FBXW7: variants seen among roughly 807,000 people sequenced by gnomAD.
FBXW7 encodes the protein F-box and WD repeat domain containing 7, also known as F-box/WD repeat-containing protein 7.
Under a neutral mutation model 86.3 loss-of-function variants are expected in FBXW7, and 11 were observed. The observed-to-expected ratio is 0.13, with a 90% confidence interval of 0.08 to 0.21. The LOEUF is 0.21. FBXW7 is among the 10% of genes least tolerant of loss of function. The pLI is 1.00. For missense variants in FBXW7, 488 were observed against 847.4 expected, an observed-to-expected ratio of 0.58 and a Z score of 5.27; for synonymous variants, 313 against 297.9, an observed-to-expected ratio of 1.05 and a Z score of -0.52.
chr4:152,417,370 C>T (rs1001016756), intron 2 of FBXW7, among the ~76,000 whole-genome samples: 1 of 152,150 alleles, frequency 6.6e-6, no homozygotes, highest in South Asian at 2.1e-4. Flanking sequence ...ACCCAGATGG[C>T]TCTTCTTCCT....
In FBXW7 at chr4:152,374,917, G is replaced by A. The variant is rs1405864293; in HGVS notation, c.502-24793C>T. On this transcript the variant is annotated intron_variant, in intron 4 of 13. Transcript: ENST00000281708. ...GGGGGATGATGCTGGCTTTTAAAACGTTTTATATTTCCGTATGTTAAGGAG... is the reference window on the plus strand; with the variant it reads ...GGGGGATGATGCTGGCTTTTAAAACATTTTATATTTCCGTATGTTAAGGAG... 2.0e-5 allele frequency among the ~76,000 whole-genome samples: 3 copies of A among 151,980 alleles called. No individual in the cohort carries two copies. In the South Asian group the frequency reaches 6.2e-4, roughly 32 times the overall value.
rs2126881163 is a variant in FBXW7 at position 152,411,656 on chromosome 4, C to G, written c.148G>C (p.Glu50Gln). 5 of 1,614,012 alleles carry G rather than the reference C, an allele frequency of 3.1e-6. No individual in the cohort carries two copies. Among genetic ancestry groups the G allele is most frequent in the Non-Finnish European group, 4.2e-6 (5 of 1,179,924 alleles). The change falls in exon 4 of 14, where the codon GAG becomes CAG. Residue 50 changes from glutamate (E) to glutamine (Q), a missense_variant. By Grantham distance (29) the Glu-to-Gln change is conservative. This residue lies in a region of FBXW7 where 230 missense variants were observed against 240.0 expected (regional missense o/e 0.96). Transcript: ENST00000281708. ...EQQQQLRQQEEEHTARNGEVV... is the reference protein window; with the variant it reads ...EQQQQLRQQEQEHTARNGEVV... The stretch of plus-strand genomic sequence containing the variant: ...TCACCATTCCTTGCAGTGTGCTCCT[C>G]CTCTTGTTGTCTGAGTTGCTGTTGC...
intron 4 of FBXW7, among the ~76,000 whole-genome samples, chr4:152,384,619 T>C (rs1410799786): frequency 4.6e-5 from 7 of 151,994 alleles, no homozygotes; most frequent in Non-Finnish European, 8.8e-5. Flanking sequence ...TGTATAACAA[T>C]GTAAATATAT....
chr4:152,379,766 T>C (rs1003958521), intron 4 of FBXW7, among the ~76,000 whole-genome samples: 2 of 152,202 alleles, frequency 1.3e-5, no homozygotes, highest in African/African-American at 2.4e-5. Context: ...CCAATGCTTA[T>C]AAATTATCTC....
intron 2 of FBXW7, among the ~76,000 whole-genome samples, chr4:152,425,148 A>T (rs1281001175): frequency 6.6e-6 from 1 of 152,222 alleles, no homozygotes; most frequent in East Asian, 1.9e-4. Flanking sequence ...CCTAAGGCAT[A>T]GATATGACAG....
At chr4:152,477,542 A>G (rs915483871) in intron 2 of FBXW7, among the ~76,000 whole-genome samples, 1 of 152,216 alleles carries the variant, frequency 6.6e-6, no homozygotes, top group Non-Finnish European at 1.5e-5. Flanking sequence ...GGGAAAAAAT[A>G]GTAAACCCCA....
chr4:152,535,553 T>C lies in FBXW7; in HGVS notation c.-639A>G, dbSNP rs1488479445. The stretch of plus-strand genomic sequence containing the variant: ...CCGGTTCATACACTCCGGGGCAAGA[T>C]GCTACGGCCCCGGGCGGGTGGCCGA... On this transcript the variant is annotated 5_prime_UTR_variant, in exon 1 of 14. Transcript: ENST00000281708. The C allele has an allele frequency of 2.5e-6, 1 of 395,852 alleles. No individual in the cohort carries two copies. The highest frequency in any genetic ancestry group is 4.5e-6 in the Non-Finnish European group (1 of 224,292). 24.5% of individuals were successfully genotyped at this position (395,852 alleles called of 1,614,324 possible).
At chr4:152,389,482 T>G (rs1735817217) in intron 4 of FBXW7, among the ~76,000 whole-genome samples, 1 of 151,818 alleles carries the variant, frequency 6.6e-6, no homozygotes, top group African/African-American at 2.4e-5. Context: ...GAATTGGAGG[T>G]GATTCTTCAG....
chr4:152,330,990 G>T, intron 8 of FBXW7, 122 bp from the exon 9 acceptor site: 1 of 910,138 alleles, frequency 1.1e-6, no homozygotes, highest in Non-Finnish European at 1.6e-6. Context: ...TGAAATGCAA[G>T]ACATTGTCAA....
chr4:152,397,309 T>C (rs1736501692), intron 4 of FBXW7, among the ~76,000 whole-genome samples: 2 of 152,020 alleles, frequency 1.3e-5, no homozygotes, highest in Admixed American at 6.6e-5. Flanking sequence ...TACTTAGATC[T>C]TGAACTTCTT....
chr4:152,376,977 T>G (rs1203985249), intron 4 of FBXW7, among the ~76,000 whole-genome samples: 3 of 152,170 alleles, frequency 2.0e-5, no homozygotes, highest in Non-Finnish European at 2.9e-5. Flanking sequence ...CAAAAAATTT[T>G]AAATTTATAA....
chr4:152,338,533 T>G (rs973391276), intron 6 of FBXW7, among the ~76,000 whole-genome samples: 2 of 151,946 alleles, frequency 1.3e-5, no homozygotes, highest in African/African-American at 4.8e-5. Context: ...TAGTAGCTGA[T>G]AGTGGTAAAA....
Position 152,456,541 on chromosome 4 carries a change from AAATAAATC to A in FBXW7, c.-119-44020_-119-44013del, listed in dbSNP as rs1411724555. On this transcript the variant is annotated intron_variant, in intron 2 of 13. Coordinates refer to ENST00000281708, the MANE Select transcript of FBXW7 (RefSeq NM_001349798.2). ...ACAGAGCAAGACTCTTACTCAAAAT[AAATAAATC>A]AATAAATCAATAAGCAAAGATTCGA... 3.9e-5 allele frequency among the ~76,000 whole-genome samples: 6 copies of A among 152,250 alleles called. No individual in the cohort carries two copies. The East Asian group carries it at 1.2e-3, about 29-fold the overall frequency.
intron 6 of FBXW7, among the ~76,000 whole-genome samples, chr4:152,344,374 G>C (rs1260054449): frequency 6.6e-6 from 1 of 152,010 alleles, no homozygotes; most frequent in Non-Finnish European, 1.5e-5. Flanking sequence ...AGATTTCTTT[G>C]CTACAGAATA....
At chr4:152,420,616 C>A (rs945864624) in intron 2 of FBXW7, among the ~76,000 whole-genome samples, 2 of 152,104 alleles carry the variant, frequency 1.3e-5, no homozygotes, top group African/African-American at 2.4e-5. Context: ...ACGGGCTACA[C>A]AATAGATGTT....
chr4:152,523,304 C>CA (rs140300923), intron 2 of FBXW7, among the ~76,000 whole-genome samples: 2,107 of 149,264 alleles, frequency 0.014, 26 homozygotes, highest in Middle Eastern at 0.038. Context: ...TTGGAGAGAC[C>CA]AAAAAAAACA....
At chr4:152,534,175 T>A (rs1750258177) in intron 2 of FBXW7, among the ~76,000 whole-genome samples, 1 of 150,690 alleles carries the variant, frequency 6.6e-6, no homozygotes, top group Non-Finnish European at 1.5e-5. Context: ...CAAAGATGTA[T>A]CCTAAATTGA....
chr4:152,397,895 A>C (rs905926935), intron 4 of FBXW7, among the ~76,000 whole-genome samples: 1 of 151,890 alleles, frequency 6.6e-6, no homozygotes, highest in Admixed American at 6.6e-5. Flanking sequence ...TACCAGAGCA[A>C]ATAACAATGA....
intron 2 of FBXW7, among the ~76,000 whole-genome samples, chr4:152,528,767 G>A (rs1749754099): frequency 6.6e-6 from 1 of 152,106 alleles, no homozygotes; most frequent in African/African-American, 2.4e-5. Context: ...GTACCAAGGA[G>A]GTATCATCAG....
Sources: gnomAD v4.1 joint callset for allele counts (sites outside exome capture counted in the v4.1 genomes callset) on GRCh38, gnomAD v4.1.1 for gene constraint, gnomAD v4.1.1 regional missense constraint, MANE v1.5 for transcripts, NCBI Gene and HGNC (gene_info 2026-07-23, HGNC 2026-07-21) for gene names.